The following LRP2 variants were observed in gnomAD, a reference collection of about 807,000 sequenced individuals.
LRP2 encodes the protein LDL receptor related protein 2.
In LRP2, 172 loss-of-function variants were observed where a neutral mutation model predicts 531.0. That is an observed-to-expected ratio of 0.32 (90% CI 0.29 to 0.37). The LOEUF is 0.37. Ranked by LOEUF, LRP2 falls within the 10% of genes least tolerant of loss-of-function variation. The probability of loss-of-function intolerance (pLI) is 1.00; values close to 1 mark genes in which losing one functional copy is unlikely to be tolerated. For synonymous variants in LRP2, 1,992 were observed against 2,027.6 expected (o/e 0.98, Z 0.47); for missense variants, 5,167 against 5,868.3 (o/e 0.88, Z 3.90).
intron 1 of LRP2, among the ~76,000 whole-genome samples, chr2:169,348,989 C>A (rs1255425505): frequency 6.6e-6 from 1 of 152,092 alleles, no homozygotes; most frequent in African/African-American, 2.4e-5. Context: ...TGAGGATGCC[C>A]CTTCTTAGCA....
At chr2:169,355,792 T>A (rs1685971492) in intron 1 of LRP2, among the ~76,000 whole-genome samples, 1 of 152,182 alleles carries the variant, frequency 6.6e-6, no homozygotes, top group Non-Finnish European at 1.5e-5. Context: ...CATTTTATAT[T>A]AGGTTGAACC....
chr2:169,161,464 T>C (rs1313605022), intron 63 of LRP2, among the ~76,000 whole-genome samples: 1 of 152,176 alleles, frequency 6.6e-6, no homozygotes, highest in African/African-American at 2.4e-5. Flanking sequence ...ACTTTCTTTT[T>C]TGTTTGATTG....
intron 1 of LRP2, among the ~76,000 whole-genome samples, chr2:169,334,813 G>A (rs1222305713): frequency 6.6e-6 from 1 of 152,154 alleles, no homozygotes; most frequent in Non-Finnish European, 1.5e-5. Context: ...TTTCTGACCT[G>A]CAAAATCAGG....
intron 1 of LRP2, among the ~76,000 whole-genome samples, chr2:169,338,878 TC>T (rs1685491527): frequency 6.6e-6 from 1 of 152,198 alleles, no homozygotes. Flanking sequence ...CTGCTCCACC[TC>T]TTACTAACTA....
chr2:169,153,086 T>G, intron 66 of LRP2, 122 bp from the exon 67 acceptor site: 1 of 872,310 alleles, frequency 1.1e-6, no homozygotes, highest in Non-Finnish European at 2.0e-6. Flanking sequence ...CTCACTGTTG[T>G]TATAATATGA....
intron 3 of LRP2, among the ~76,000 whole-genome samples, chr2:169,316,236 C>T (rs1684760275): frequency 6.6e-6 from 1 of 151,796 alleles, no homozygotes; most frequent in South Asian, 2.1e-4. Flanking sequence ...GCAAATTAGG[C>T]AGGAGTTGGT....
intron 70 of LRP2, 87 bp downstream of exon 70, chr2:169,145,660 T>C: frequency 1.5e-6 from 2 of 1,292,682 alleles, no homozygotes; most frequent in Non-Finnish European, 2.2e-6. Context: ...TGTTGTTATC[T>C]ACTGCCATCT....
intron 69 of LRP2, 68 bp from the exon 70 acceptor site, chr2:169,145,991 G>A (rs769824484): frequency 1.0e-5 from 14 of 1,340,402 alleles, no homozygotes; most frequent in African/African-American, 1.4e-5. Flanking sequence ...ACACCCTACC[G>A]CCACTTCTAG....
chr2:169,183,678 A>G (rs979970463), intron 50 of LRP2, among the ~76,000 whole-genome samples: 6 of 152,206 alleles, frequency 3.9e-5, no homozygotes, highest in African/African-American at 1.4e-4. Flanking sequence ...GATTCTTCTC[A>G]AGAAAACATG....
At chr2:169,156,934 A>G (rs1017341281) in intron 64 of LRP2, among the ~76,000 whole-genome samples, 1 of 152,348 alleles carries the variant, frequency 6.6e-6, no homozygotes, top group East Asian at 1.9e-4. Flanking sequence ...ATCACTCACC[A>G]TCTTGATAAG....
At chr2:169,273,364 T>A (rs1432885109) in intron 14 of LRP2, among the ~76,000 whole-genome samples, 1 of 152,102 alleles carries the variant, frequency 6.6e-6, no homozygotes, top group Non-Finnish European at 1.5e-5. Flanking sequence ...TCCTCCATGA[T>A]TAGAAATAAT....
intron 41 of LRP2, among the ~76,000 whole-genome samples, chr2:169,205,216 T>C (rs1484480933): frequency 1.3e-5 from 2 of 152,194 alleles, no homozygotes; most frequent in Non-Finnish European, 2.9e-5. Context: ...ACATTTATAA[T>C]TATAGCTGAA....
chr2:169,151,562 C>T (rs1457265620), intron 67 of LRP2, among the ~76,000 whole-genome samples: 2 of 152,162 alleles, frequency 1.3e-5, no homozygotes, highest in East Asian at 3.9e-4. Context: ...CTGGTGTCAG[C>T]TCAAAGATGA....
chr2:169,224,435 G>A (rs1295130994), intron 33 of LRP2, among the ~76,000 whole-genome samples: 1 of 152,126 alleles, frequency 6.6e-6, no homozygotes, highest in Non-Finnish European at 1.5e-5. Context: ...AATTTCTTCT[G>A]GGAATTAGAG....
chr2:169,348,584 T>A (rs1362288474), intron 1 of LRP2, among the ~76,000 whole-genome samples: 1 of 152,186 alleles, frequency 6.6e-6, no homozygotes. Flanking sequence ...TTGTGTTCTG[T>A]TTAAATACAG....
chr2:169,209,543 T>C lies in LRP2; in HGVS notation c.6379A>G (p.Ile2127Val). 6.2e-7 allele frequency: 1 copy of C among 1,614,138 alleles called. No individual in the cohort carries two copies. The highest frequency in any genetic ancestry group is 8.5e-7 in the Non-Finnish European group (1 of 1,179,988). ...SVASDNAIRR[I>V]KPDGSSLMNI... ...ATCAGAGAAGATCCATCTGGTTTAA[T>C]TCTACGGATCGCATTATCAGATGCC... Residue 2127 changes from isoleucine to valine, a missense_variant, in exon 38 of 79, where the codon ATT becomes GTT. By Grantham distance (29) the Ile-to-Val change is conservative. Around this residue, in one of 6 missense-constraint regions of LRP2, gnomAD observed 2,811 missense variants for 3,058.0 expected, o/e 0.92. Transcript: ENST00000649046.
rs544934131 is a variant in LRP2 at position 169,290,130 on chromosome 2, A to G, written c.922+715T>C. 3.9e-4 allele frequency among the ~76,000 whole-genome samples: 59 copies of G among 152,256 alleles called. No individual in the cohort carries two copies. In the South Asian group the frequency reaches 0.012, roughly 32 times the overall value. The stretch of plus-strand genomic sequence containing the variant: ...TCTACAGCCCCAAAAAAGGAGAAAA[A>G]AAATCCCTAGTTCCAGTCAGTTTCC... On this transcript the variant is annotated intron_variant, in intron 8 of 78. Transcript: ENST00000649046.
At chr2:169,280,607 C>T (rs1559054922) in intron 10 of LRP2, 88 bp from the exon 11 acceptor site, 2 of 1,279,648 alleles carry the variant, frequency 1.6e-6, no homozygotes. Flanking sequence ...TCTGCTTTTT[C>T]AAATGCTATC....
intron 57 of LRP2, among the ~76,000 whole-genome samples, chr2:169,172,583 T>C (rs1372299463): frequency 6.6e-6 from 1 of 152,194 alleles, no homozygotes; most frequent in Admixed American, 6.5e-5. Context: ...TCTTGACAAA[T>C]TCCATTAATT....
Sources: allele counts gnomAD v4.1 joint callset (sites outside exome capture counted in the v4.1 genomes callset), GRCh38; gene constraint gnomAD v4.1.1; regional missense constraint gnomAD v4.1.1; transcripts MANE v1.5; gene names NCBI Gene and HGNC (gene_info 2026-07-23, HGNC 2026-07-21).